The following MACROD2 variants were observed in gnomAD, a reference collection of about 807,000 sequenced individuals.
MACROD2 encodes ADP-ribose glycohydrolase MACROD2.
MACROD2 carries 36 observed loss-of-function variants against 70.4 expected under a neutral mutation model. The observed-to-expected ratio is 0.51, with a 90% CI of 0.39 to 0.68. MACROD2 has a LOEUF of 0.68. Among genes scored for constraint, MACROD2 ranks in the 30% least tolerant of loss-of-function variants. MACROD2 has a pLI of 0.00. For missense variants in MACROD2, 496 were observed against 538.4 expected (o/e 0.92, Z 0.78); for synonymous variants, 172 against 178.8 (o/e 0.96, Z 0.30).
chr20:15,791,821 C>A (rs1263924639), intron 8 of MACROD2, among the ~76,000 whole-genome samples: 1 of 151,854 alleles, frequency 6.6e-6, no homozygotes, highest in East Asian at 1.9e-4. Flanking sequence ...TATAGGAAAC[C>A]ACAATATTAT....
intron 6 of MACROD2, among the ~76,000 whole-genome samples, chr20:15,295,595 T>TCACACACACACA (rs3223712): frequency 0.041 from 6,113 of 147,954 alleles, 145 homozygotes; most frequent in Non-Finnish European, 0.058. Context: ...ATGTCTGTCA[T>TCACACACACACA]CACACACACA....
chr20:14,220,935 A>G (rs1277663497), intron 3 of MACROD2, among the ~76,000 whole-genome samples: 1 of 152,070 alleles, frequency 6.6e-6, no homozygotes, highest in Non-Finnish European at 1.5e-5. Context: ...TCCTCTCAGG[A>G]TGGCTGGTTT....
chr20:14,582,681 G>T (rs1397877360), intron 4 of MACROD2, among the ~76,000 whole-genome samples: 1 of 152,132 alleles, frequency 6.6e-6, no homozygotes, highest in Non-Finnish European at 1.5e-5. Flanking sequence ...TAGGGTAATT[G>T]TGTCTTCTGT....
chr20:14,743,905 T>C (rs938258673), intron 5 of MACROD2, among the ~76,000 whole-genome samples: 1 of 151,872 alleles, frequency 6.6e-6, no homozygotes, highest in African/African-American at 2.4e-5. Context: ...GAGGAGAGGG[T>C]GATAAGCTGA....
intron 5 of MACROD2, among the ~76,000 whole-genome samples, chr20:14,857,624 G>C (rs1018961184): frequency 1.3e-5 from 2 of 152,114 alleles, no homozygotes; most frequent in African/African-American, 4.8e-5. Context: ...AGACTTAAAA[G>C]CCACGAAGTG....
intron 6 of MACROD2, among the ~76,000 whole-genome samples, chr20:15,326,875 G>C (rs2077935918): frequency 6.6e-6 from 1 of 152,142 alleles, no homozygotes; most frequent in African/African-American, 2.4e-5. Context: ...CTGGTGGAGA[G>C]CAAATCAGAA....
intron 5 of MACROD2, among the ~76,000 whole-genome samples, chr20:14,950,852 T>C (rs576213178): frequency 4.5e-4 from 68 of 152,270 alleles, no homozygotes; most frequent in Middle Eastern, 3.4e-3. Flanking sequence ...GTGACAATCT[T>C]CAAACTTAGG....
intron 8 of MACROD2, among the ~76,000 whole-genome samples, chr20:15,823,427 G>C (rs539408014): frequency 6.6e-6 from 1 of 152,124 alleles, no homozygotes; most frequent in Admixed American, 6.6e-5. Flanking sequence ...AAAATCTGGG[G>C]TTGTAATTTA....
intron 5 of MACROD2, among the ~76,000 whole-genome samples, chr20:14,691,257 G>A (rs2071060512): frequency 6.6e-6 from 1 of 152,188 alleles, no homozygotes; most frequent in African/African-American, 2.4e-5. Context: ...GAGATTCAGA[G>A]AGACTAAATA....
rs150764731 is a variant in MACROD2 at position 15,351,381 on chromosome 20, T to C, written c.541-80024T>C. Among the ~76,000 whole-genome samples, 360 of 152,308 alleles carry C rather than the reference T, an allele frequency of 2.4e-3. 2 individuals are homozygous for C. The highest frequency in any genetic ancestry group is 3.5e-3 in the Admixed American group (53 of 15,290). ...TTATAACCTTTATTGTATTCATTTG[T>C]ATAATAGAAAAAAATATTTTACCAG... On this transcript the variant is annotated intron_variant, in intron 6 of 17. Transcript: ENST00000684519.
At chr20:14,774,494 G>T (rs971236119) in intron 5 of MACROD2, among the ~76,000 whole-genome samples, 1 of 151,972 alleles carries the variant, frequency 6.6e-6, no homozygotes, top group Admixed American at 6.6e-5. Flanking sequence ...ATTCTGATGT[G>T]AATTAGCTTC....
chr20:16,037,795 T>G (rs2067254973), intron 15 of MACROD2, among the ~76,000 whole-genome samples: 1 of 151,950 alleles, frequency 6.6e-6, no homozygotes, highest in Non-Finnish European at 1.5e-5. Flanking sequence ...TTATATATTC[T>G]GTACAGGAGT....
At position 14,594,771 on chromosome 20, in the gene MACROD2, A is replaced by G. The variant is rs6110347; in HGVS notation, c.302-90072A>G. 1.3e-3 allele frequency among the ~76,000 whole-genome samples: 200 copies of G among 152,306 alleles called. 1 individual carries two copies. The highest frequency in any genetic ancestry group is 4.5e-3 in the African/African-American group (185 of 41,558). On this transcript the variant is annotated intron_variant, in intron 4 of 17. Coordinates refer to ENST00000684519, the MANE Select transcript of MACROD2 (RefSeq NM_001351661.2). ...GCCGGGCATGGTAGGGTGTACCTAT[A>G]GACCCAGATACTCGGGATGCTGAGG... is the stretch of plus-strand genomic sequence containing the variant.
At chr20:14,166,327 GTA>G (rs1299731254) in intron 3 of MACROD2, among the ~76,000 whole-genome samples, 2 of 151,986 alleles carry the variant, frequency 1.3e-5, no homozygotes, top group Non-Finnish European at 2.9e-5. Context: ...TTCCGTGTGT[GTA>G]TGTGTGTGTG....
At chr20:14,303,898 C>T (rs2082497498) in intron 3 of MACROD2, among the ~76,000 whole-genome samples, 2 of 152,252 alleles carry the variant, frequency 1.3e-5, no homozygotes, top group South Asian at 4.1e-4. Context: ...GTCATGGTAT[C>T]TTCTATGATT....
At chr20:15,580,418 C>T (rs1013238796) in intron 8 of MACROD2, among the ~76,000 whole-genome samples, 19 of 152,210 alleles carry the variant, frequency 1.2e-4, no homozygotes, top group Middle Eastern at 3.4e-3. Context: ...GTCTACATGC[C>T]GTAACTGTGG....
chr20:15,188,851 G>A (rs1016722888), intron 5 of MACROD2, among the ~76,000 whole-genome samples: 1 of 151,794 alleles, frequency 6.6e-6, no homozygotes, highest in Non-Finnish European at 1.5e-5. Context: ...CTCTTTTTTT[G>A]GAACTATATT....
chr20:14,039,627 C>T lies in MACROD2; in HGVS notation c.163+37223C>T, dbSNP rs980065184. On this transcript the variant is annotated intron_variant, in intron 2 of 17. Coordinates refer to ENST00000684519, the MANE Select transcript of MACROD2 (RefSeq NM_001351661.2). Reference sequence around the variant, plus strand: ...TGCATATAAATAAAGCAGGGAAAACCGGTGATAGATACTTAGTTTTTTAAC... The same window carrying T: ...TGCATATAAATAAAGCAGGGAAAACTGGTGATAGATACTTAGTTTTTTAAC... 6.6e-5 allele frequency among the ~76,000 whole-genome samples: 10 copies of T among 151,980 alleles called. No homozygotes were observed. In the East Asian group the frequency reaches 1.2e-3, roughly 18 times the overall value.
intron 8 of MACROD2, among the ~76,000 whole-genome samples, chr20:15,658,488 G>T (rs1334398726): frequency 6.6e-6 from 1 of 152,132 alleles, no homozygotes; most frequent in East Asian, 1.9e-4. Flanking sequence ...GTCCAGCCTA[G>T]AGGTTTCTCT....
Sources: allele counts gnomAD v4.1 joint callset (sites outside exome capture counted in the v4.1 genomes callset), GRCh38; gene constraint gnomAD v4.1.1; transcripts MANE v1.5; gene names NCBI Gene and HGNC (gene_info 2026-07-23, HGNC 2026-07-21).